ASIC2: variants seen among roughly 807,000 people sequenced by gnomAD.
The protein encoded by ASIC2 is acid sensing ion channel subunit 2.
In ASIC2, 25 loss-of-function variants were observed where a neutral mutation model predicts 57.3. The ratio of observed to expected loss-of-function variants is 0.44; its 90% confidence interval spans 0.32 to 0.61. The LOEUF (loss-of-function observed/expected upper bound fraction) is 0.61, where lower values mean the gene tolerates loss of function less well. ASIC2 is among the 20% of genes least tolerant of loss of function. The pLI, the probability that ASIC2 is intolerant of heterozygous loss-of-function variation, is 0.06. For synonymous variants in ASIC2, 319 were observed against 307.5 expected (o/e 1.04, Z -0.39); for missense variants, 641 against 738.1 (o/e 0.87, Z 1.52).
chr17:33,423,590 T>G (rs1463913342), intron 1 of ASIC2, among the ~76,000 whole-genome samples: 2 of 152,218 alleles, frequency 1.3e-5, no homozygotes, highest in Non-Finnish European at 2.9e-5. Context: ...TATGGTAGAC[T>G]TGCCTTCCTT....
At chr17:33,854,903 A>G in intron 1 of ASIC2, among the ~76,000 whole-genome samples, 1 of 152,110 alleles carries the variant, frequency 6.6e-6, no homozygotes, top group South Asian at 2.1e-4. Flanking sequence ...TCCAGAGCTC[A>G]GGGGGACTCT....
chr17:33,838,760 C>T (rs755994752), intron 1 of ASIC2, among the ~76,000 whole-genome samples: 1 of 152,130 alleles, frequency 6.6e-6, no homozygotes, highest in Non-Finnish European at 1.5e-5. Context: ...ATTAAAATCA[C>T]CTGGGGAGCT....
intron 1 of ASIC2, among the ~76,000 whole-genome samples, chr17:33,868,977 AT>A (rs1914318721): frequency 6.6e-6 from 1 of 152,162 alleles, no homozygotes; most frequent in South Asian, 2.1e-4. Context: ...AGGTTGGAGG[AT>A]CACTTGAGCC....
chr17:33,567,742 T>C (rs141840376), intron 1 of ASIC2, among the ~76,000 whole-genome samples: 32 of 152,040 alleles, frequency 2.1e-4, no homozygotes, highest in Admixed American at 1.6e-3. Context: ...TGGGAACAAG[T>C]GGGGGAGTGA....
chr17:33,686,469 A>G (rs776306137), intron 1 of ASIC2, among the ~76,000 whole-genome samples: 1 of 152,162 alleles, frequency 6.6e-6, no homozygotes, highest in Admixed American at 6.5e-5. Flanking sequence ...GTCTTGGCCC[A>G]TAGGGTTTAC....
At chr17:33,294,286 A>G (rs567664864), upstream of ASIC2, among the ~76,000 whole-genome samples, 13 of 152,254 alleles carry the variant, frequency 8.5e-5, no homozygotes, top group Non-Finnish European at 1.8e-4. Flanking sequence ...GGGTGGGAGG[A>G]TGCTCCAGTG....
intron 1 of ASIC2, among the ~76,000 whole-genome samples, chr17:33,196,310 A>G (rs1402052541): frequency 7.0e-6 from 1 of 143,232 alleles, no homozygotes; most frequent in African/African-American, 2.9e-5. Context: ...CGAGACGATG[A>G]TGATGACGAT....
chr17:34,004,030 T>A (rs1388847102), intron 1 of ASIC2: 1 of 152,230 alleles, frequency 6.6e-6, no homozygotes, highest in Non-Finnish European at 1.5e-5. Context: ...ATGATTTGAG[T>A]GCCTTCCTGA....
chr17:33,583,145 G>C (rs1037902941), intron 1 of ASIC2, among the ~76,000 whole-genome samples: 1 of 152,208 alleles, frequency 6.6e-6, no homozygotes, highest in African/African-American at 2.4e-5. Flanking sequence ...TGAGCAGGGG[G>C]AGAGGAAGCT....
intron 1 of ASIC2, among the ~76,000 whole-genome samples, chr17:33,433,929 T>A (rs1368131154): frequency 8.4e-6 from 1 of 118,440 alleles, no homozygotes; most frequent in Admixed American, 1.0e-4. Flanking sequence ...TTCCACTACA[T>A]GAGGTGGGGG....
intron 1 of ASIC2, among the ~76,000 whole-genome samples, chr17:33,282,634 C>T (rs1905004039): frequency 1.3e-5 from 2 of 152,044 alleles, no homozygotes; most frequent in Admixed American, 6.6e-5. Flanking sequence ...GCCATCAGAC[C>T]CGACTAATTT....
intron 1 of ASIC2, among the ~76,000 whole-genome samples, chr17:33,775,506 C>T (rs12602413): frequency 0.081 from 12,297 of 152,082 alleles, 577 homozygotes; most frequent in East Asian, 0.22. Flanking sequence ...AGGTGCGAAA[C>T]GAATGAAAGG....
chr17:33,254,400 G>C (rs1455182142), intron 1 of ASIC2, among the ~76,000 whole-genome samples: 1 of 152,172 alleles, frequency 6.6e-6, no homozygotes, highest in Non-Finnish European at 1.5e-5. Flanking sequence ...AAATACTTCA[G>C]TTGGGACAAA....
chr17:33,989,093 A>G (rs1013514502), intron 1 of ASIC2, among the ~76,000 whole-genome samples: 2 of 152,118 alleles, frequency 1.3e-5, no homozygotes, highest in Non-Finnish European at 2.9e-5. Flanking sequence ...AACCCAACCT[A>G]AAACAGAACC....
intron 1 of ASIC2, among the ~76,000 whole-genome samples, chr17:33,310,706 T>A (rs1007514650): frequency 6.6e-6 from 1 of 152,134 alleles, no homozygotes; most frequent in African/African-American, 2.4e-5. Flanking sequence ...TCATATAGAG[T>A]CCAAGACACA....
chr17:33,103,901 G>T (rs2092224554), intron 2 of ASIC2, among the ~76,000 whole-genome samples: 1 of 152,120 alleles, frequency 6.6e-6, no homozygotes, highest in South Asian at 2.1e-4. Flanking sequence ...TGTGTGGGGG[G>T]CCTAATAGTT....
chr17:33,107,460 T>C (rs2092239475), intron 2 of ASIC2, among the ~76,000 whole-genome samples: 1 of 152,222 alleles, frequency 6.6e-6, no homozygotes, highest in African/African-American at 2.4e-5. Context: ...TTCATAAACA[T>C]GTTATATCCC....
At chr17:34,008,793 G>C (rs770374221) in intron 1 of ASIC2, among the ~76,000 whole-genome samples, 10 of 152,206 alleles carry the variant, frequency 6.6e-5, no homozygotes, top group Non-Finnish European at 1.2e-4. Context: ...CCAAAGCGAA[G>C]GCTGCAGCTC....
chr17:33,909,534 C>T (rs931578082), intron 1 of ASIC2, among the ~76,000 whole-genome samples: 1 of 152,010 alleles, frequency 6.6e-6, no homozygotes, highest in African/African-American at 2.4e-5. Flanking sequence ...AGCCCATAGG[C>T]TGGGGGGAGG....
Sources: allele counts gnomAD v4.1 joint callset (sites outside exome capture counted in the v4.1 genomes callset), GRCh38; gene constraint gnomAD v4.1.1; transcripts MANE v1.5; gene names NCBI Gene and HGNC (gene_info 2026-07-23, HGNC 2026-07-21).